HMCN1: variants seen among roughly 807,000 people sequenced by gnomAD.
HMCN1 encodes the protein hemicentin 1.
In HMCN1, 321 loss-of-function variants were observed where a neutral mutation model predicts 625.9. That is an observed-to-expected ratio of 0.51 (90% CI 0.47 to 0.56). The LOEUF (loss-of-function observed/expected upper bound fraction) is 0.56. HMCN1 is among the 20% of genes least tolerant of loss of function. The probability of loss-of-function intolerance (pLI) is 0.00; values close to 1 mark genes in which losing one functional copy is unlikely to be tolerated. For missense variants in HMCN1, 6,588 were observed against 6,887.3 expected (o/e 0.96, Z 1.54); for synonymous variants, 2,425 against 2,417.6 (o/e 1.00, Z -0.09).
chr1:186,037,280 A>T (rs1655896834), intron 36 of HMCN1, among the ~76,000 whole-genome samples: 1 of 152,160 alleles, frequency 6.6e-6, no homozygotes, highest in Non-Finnish European at 1.5e-5. Flanking sequence ...ATATTGTTGA[A>T]AACATGGCAT....
At chr1:186,186,816 C>T (rs1025794191) in intron 105 of HMCN1, among the ~76,000 whole-genome samples, 36 of 152,108 alleles carry the variant, frequency 2.4e-4, no homozygotes, top group African/African-American at 8.7e-4. Context: ...ATTCATACTG[C>T]TAGAAAACAT....
intron 4 of HMCN1, among the ~76,000 whole-genome samples, chr1:185,891,739 T>TGAAATGAAGGAA (rs1315841523): frequency 5.4e-5 from 8 of 148,192 alleles, no homozygotes; most frequent in Non-Finnish European, 1.2e-4. Context: ...TGGCTGCCCT[T>TGAAATGAAGGAA]AACATTTTTT....
At chr1:185,995,924 G>A (rs1159030826) in intron 24 of HMCN1, among the ~76,000 whole-genome samples, 2 of 152,106 alleles carry the variant, frequency 1.3e-5, no homozygotes, top group Non-Finnish European at 2.9e-5. Context: ...TCTTAGCGCT[G>A]TACTGAGTAT....
chr1:185,821,984 T>C (rs1405837577), intron 1 of HMCN1, among the ~76,000 whole-genome samples: 1 of 151,966 alleles, frequency 6.6e-6, no homozygotes, highest in African/African-American at 2.4e-5. Context: ...ACTGTATGAT[T>C]CCAACTACAT....
chr1:186,122,687 A>C (rs1661452250), intron 80 of HMCN1, among the ~76,000 whole-genome samples: 1 of 152,206 alleles, frequency 6.6e-6, no homozygotes, highest in African/African-American at 2.4e-5. Context: ...CTAGACATGC[A>C]TGCCCTCATG....
intron 36 of HMCN1, among the ~76,000 whole-genome samples, chr1:186,024,800 T>C (rs545667766): frequency 1.1e-3 from 166 of 152,258 alleles, no homozygotes; most frequent in African/African-American, 3.7e-3. Flanking sequence ...CTAGACTATT[T>C]TTAAAATACT....
At chr1:186,171,897 C>T (rs1286718811) in intron 101 of HMCN1, 109 bp from the exon 102 acceptor site, 2 of 911,664 alleles carry the variant, frequency 2.2e-6, no homozygotes, top group Non-Finnish European at 3.4e-6. Flanking sequence ...AATGATTATG[C>T]AATGAATGTA....
intron 100 of HMCN1, among the ~76,000 whole-genome samples, chr1:186,170,981 T>C (rs570727889): frequency 3.3e-5 from 5 of 152,318 alleles, no homozygotes; most frequent in East Asian, 1.9e-4. Context: ...TTAGTGTTGT[T>C]GGAGTTTTTT....
rs1266137738 is a variant in HMCN1, at chr1:186,090,887, C to G, written c.9857C>G (p.Pro3286Arg). 1 of 1,612,044 alleles carries G rather than the reference C, an allele frequency of 6.2e-7. No individual in the cohort carries two copies. Among genetic ancestry groups the G allele is most frequent in the Admixed American group, 1.7e-5 (1 of 59,778 alleles). Residue 3286 changes from proline (P) to arginine (R), a missense_variant, in exon 64 of 107, where the codon CCC (proline) becomes CGC (arginine). Transcript: ENST00000271588. Reference protein sequence around the residue: ...PLIQWLKDGKPIASGETERIR... With the variant: ...PLIQWLKDGKRIASGETERIR... The stretch of plus-strand genomic sequence containing the variant: ...ATTCAATGGCTTAAAGATGGAAAGC[C>G]CATAGCTAGTGGTGAAACAGAAAGA...
chr1:186,018,056 T>G (rs1654478574), intron 33 of HMCN1, 127 bp from the exon 34 acceptor site: 2 of 879,308 alleles, frequency 2.3e-6, no homozygotes, highest in Admixed American at 2.1e-5. Flanking sequence ...TCTTTTTCAT[T>G]TACAATTTAT....
chr1:186,090,152 C>A (rs1325456034), intron 63 of HMCN1, among the ~76,000 whole-genome samples: 1 of 148,206 alleles, frequency 6.7e-6, no homozygotes, highest in Non-Finnish European at 1.5e-5. Context: ...TATCTGATAC[C>A]ATTGGCAGTA....
intron 105 of HMCN1, among the ~76,000 whole-genome samples, chr1:186,185,466 G>T (rs1408393086): frequency 6.6e-6 from 1 of 152,172 alleles, no homozygotes; most frequent in Admixed American, 6.5e-5. Flanking sequence ...GAGGCAGTAG[G>T]CAAGACTTCA....
intron 97 of HMCN1, 33 bp downstream of exon 97, chr1:186,154,020 G>A (rs1400893375): frequency 6.5e-7 from 1 of 1,545,004 alleles, no homozygotes; most frequent in Non-Finnish European, 8.9e-7. Flanking sequence ...ATATCTTTAT[G>A]CCATCCAGTC....
chr1:186,083,436 AC>A lies in HMCN1; in HGVS notation c.8884+477del, dbSNP rs1400062256. ...ATAATTCCTTTAAAACCACCAGCAC[AC>A]CTAATTCATTCATCAAACTCTTTTA... On this transcript the variant is annotated intron_variant, in intron 57 of 106. Transcript: ENST00000271588. Among the ~76,000 whole-genome samples the A allele has an allele frequency of 8.0e-5, 12 of 149,858 alleles. No homozygotes were observed. In the South Asian group the frequency reaches 8.4e-4, roughly 10 times the overall value.
intron 1 of HMCN1, among the ~76,000 whole-genome samples, chr1:185,772,821 G>T (rs987733780): frequency 2.0e-5 from 3 of 152,140 alleles, no homozygotes; most frequent in Non-Finnish European, 4.4e-5. Flanking sequence ...CATCTGGTTG[G>T]TAAGGGTCTT....
intron 101 of HMCN1, among the ~76,000 whole-genome samples, 196 bp from the exon 102 acceptor site, chr1:186,171,810 T>C (rs1156549780): frequency 6.6e-6 from 1 of 152,162 alleles, no homozygotes; most frequent in Non-Finnish European, 1.5e-5. Context: ...AACAATATTT[T>C]GTGTTTGTTT....
chr1:185,953,095 C>T (rs1649350233), intron 11 of HMCN1, among the ~76,000 whole-genome samples: 1 of 151,042 alleles, frequency 6.6e-6, no homozygotes, highest in South Asian at 2.1e-4. Flanking sequence ...TTGCCCCTCC[C>T]CCAGAAAAGC....
At chr1:185,916,627 G>C (rs889786228) in intron 6 of HMCN1, among the ~76,000 whole-genome samples, 5 of 151,724 alleles carry the variant, frequency 3.3e-5, no homozygotes, top group African/African-American at 1.2e-4. Context: ...TCTTACTTTG[G>C]GCACATTTAC....
intron 1 of HMCN1, among the ~76,000 whole-genome samples, chr1:185,782,981 A>G (rs187647096): frequency 2.6e-5 from 4 of 152,336 alleles, no homozygotes; most frequent in Admixed American, 6.5e-5. Context: ...TTTCAGGTAC[A>G]CCAATCAGAC....
Sources: allele counts gnomAD v4.1 joint callset (sites outside exome capture counted in the v4.1 genomes callset), GRCh38; gene constraint gnomAD v4.1.1; transcripts MANE v1.5; gene names NCBI Gene and HGNC (gene_info 2026-07-23, HGNC 2026-07-21).